Variants in TNS3 observed in about 807,000 individuals in gnomAD.
TNS3 encodes the protein tensin 3.
In TNS3, 45 loss-of-function variants were observed where a neutral mutation model predicts 140.9. That is an observed-to-expected ratio of 0.32 (90% CI 0.25 to 0.41). TNS3 has a LOEUF of 0.41. TNS3 is among the 10% of genes least tolerant of loss of function. The pLI, the probability that TNS3 is intolerant of heterozygous loss-of-function variation, is 1.00. For missense variants in TNS3, 1,716 were observed against 1,906.7 expected, an observed-to-expected ratio of 0.90 and a Z score of 1.86; for synonymous variants, 815 against 788.4, an observed-to-expected ratio of 1.03 and a Z score of -0.56.
chr7:47,536,871 G>A (rs1271375102), intron 1 of TNS3, among the ~76,000 whole-genome samples: 1 of 152,186 alleles, frequency 6.6e-6, no homozygotes, highest in African/African-American at 2.4e-5. Context: ...TACGCGCACT[G>A]ACAAGGGCAC....
At chr7:47,523,252 C>T (rs1424699347) in intron 2 of TNS3, among the ~76,000 whole-genome samples, 1 of 152,162 alleles carries the variant, frequency 6.6e-6, no homozygotes, top group African/African-American at 2.4e-5. Context: ...ACTCACAAAA[C>T]ATATCACCTC....
At chr7:47,285,827 G>C (rs1347103120) in intron 27 of TNS3, among the ~76,000 whole-genome samples, 1 of 152,180 alleles carries the variant, frequency 6.6e-6, no homozygotes, top group Admixed American at 6.5e-5. Flanking sequence ...TTAGAAATGA[G>C]AGAGGGGTGA....
chr7:47,377,191 G>C (rs1235601528), intron 16 of TNS3, among the ~76,000 whole-genome samples: 2 of 152,234 alleles, frequency 1.3e-5, no homozygotes, highest in African/African-American at 2.4e-5. Context: ...AGGCTTATTG[G>C]AATGATGTCT....
intron 20 of TNS3, among the ~76,000 whole-genome samples, chr7:47,311,482 C>A (rs561365581): frequency 6.7e-6 from 1 of 149,236 alleles, no homozygotes; most frequent in African/African-American, 2.5e-5. Flanking sequence ...AGAGAATAAT[C>A]AAATGGAAAC....
intron 4 of TNS3, among the ~76,000 whole-genome samples, chr7:47,464,308 G>A (rs1396543863): frequency 3.3e-5 from 5 of 152,178 alleles, no homozygotes; most frequent in Non-Finnish European, 5.9e-5. Context: ...GAGCACGTAC[G>A]ACAGAAGCCA....
intron 4 of TNS3, among the ~76,000 whole-genome samples, chr7:47,442,578 G>C (rs1238810588): frequency 3.9e-5 from 6 of 152,208 alleles, no homozygotes; most frequent in Non-Finnish European, 1.5e-5. Context: ...TATGGTGACA[G>C]AGATCTACTA....
chr7:47,289,760 G>C (rs1422125398), intron 27 of TNS3, among the ~76,000 whole-genome samples: 1 of 152,182 alleles, frequency 6.6e-6, no homozygotes, highest in Non-Finnish European at 1.5e-5. Flanking sequence ...AATAAATGGA[G>C]AGATATTCCA....
intron 4 of TNS3, among the ~76,000 whole-genome samples, chr7:47,453,721 A>C (rs1347856927): frequency 6.6e-6 from 1 of 152,268 alleles, no homozygotes; most frequent in Admixed American, 6.5e-5. Context: ...ATGAGGCACC[A>C]GACGGTTCTG....
chr7:47,577,888 T>TTCCCTAGCTCTGGGAGCACC (rs1800711183), intron 1 of TNS3, among the ~76,000 whole-genome samples: 1 of 152,110 alleles, frequency 6.6e-6, no homozygotes, highest in Admixed American at 6.5e-5. Flanking sequence ...TGAGGAGCAC[T>TTCCCTAGCTCTGGGAGCACC]TCCCTAGCTC....
intron 16 of TNS3, among the ~76,000 whole-genome samples, chr7:47,382,051 G>C (rs1469124286): frequency 6.6e-6 from 1 of 152,184 alleles, no homozygotes; most frequent in Non-Finnish European, 1.5e-5. Flanking sequence ...TATGGCTAGG[G>C]GGTCCCAGCC....
intron 1 of TNS3, among the ~76,000 whole-genome samples, chr7:47,533,430 T>A (rs112891951): frequency 1.6e-5 from 1 of 61,040 alleles, no homozygotes; most frequent in Non-Finnish European, 3.8e-5. Flanking sequence ...GCACCTGGCC[T>A]TTTTTTTTTT....
At chr7:47,428,519 C>T (rs917720666) in intron 8 of TNS3, 143 bp from the exon 9 acceptor site, 1 of 533,566 alleles carries the variant, frequency 1.9e-6, no homozygotes, top group African/African-American at 2.0e-5. Flanking sequence ...GCCTTCCTGT[C>T]TGGGAAAGTC....
chr7:47,451,892 G>A (rs1290937424), intron 4 of TNS3, among the ~76,000 whole-genome samples: 1 of 152,140 alleles, frequency 6.6e-6, no homozygotes, highest in East Asian at 1.9e-4. Context: ...ACGACTTGGG[G>A]GTTCAGCACA....
intron 27 of TNS3, among the ~76,000 whole-genome samples, chr7:47,286,378 C>T (rs896959942): frequency 3.9e-5 from 6 of 152,134 alleles, no homozygotes; most frequent in African/African-American, 9.7e-5. Flanking sequence ...GGCTGTTCTA[C>T]GGAGCACACA....
intron 20 of TNS3, among the ~76,000 whole-genome samples, chr7:47,311,905 A>C (rs566741728): frequency 6.6e-6 from 1 of 152,226 alleles, no homozygotes; most frequent in East Asian, 1.9e-4. Context: ...AATCAAATAC[A>C]AAGTCTGAAA....
intron 16 of TNS3, among the ~76,000 whole-genome samples, chr7:47,383,935 C>G (rs757128236): frequency 1.3e-5 from 2 of 152,186 alleles, no homozygotes; most frequent in Non-Finnish European, 2.9e-5. Flanking sequence ...GAAAGTGACA[C>G]GCAGGGCCTC....
At chr7:47,460,546 T>A (rs1015087925) in intron 4 of TNS3, among the ~76,000 whole-genome samples, 1 of 152,242 alleles carries the variant, frequency 6.6e-6, no homozygotes, top group Non-Finnish European at 1.5e-5. Flanking sequence ...GATGGGCAGG[T>A]GGCCTGGAGA....
At chr7:47,317,639 T>TA (rs545543369) in intron 20 of TNS3, among the ~76,000 whole-genome samples, 80 of 152,240 alleles carry the variant, frequency 5.3e-4, no homozygotes, top group Middle Eastern at 6.8e-3. Context: ...ATGAGAGTTG[T>TA]AAAAAAATGT....
chr7:47,562,401 T>G (rs990733933), intron 1 of TNS3, among the ~76,000 whole-genome samples: 1 of 112,422 alleles, frequency 8.9e-6, no homozygotes, highest in Non-Finnish European at 1.9e-5. Context: ...TTTTTTTTTT[T>G]CCCATATGGA....
Sources: allele counts gnomAD v4.1 joint callset (sites outside exome capture counted in the v4.1 genomes callset), GRCh38; gene constraint gnomAD v4.1.1; transcripts MANE v1.5; gene names NCBI Gene and HGNC (gene_info 2026-07-23, HGNC 2026-07-21).